PER3: variants seen among roughly 807,000 people sequenced by gnomAD.
PER3 encodes period circadian protein homolog 3.
In PER3, 107 loss-of-function variants were observed where a neutral mutation model predicts 127.2. That is an observed-to-expected ratio of 0.84 (90% confidence interval 0.72 to 0.99). The LOEUF (loss-of-function observed/expected upper bound fraction) is 0.99, where lower values mean the gene tolerates loss of function less well. PER3 is among the 50% of genes least tolerant of loss of function. PER3 has a pLI of 0.00. For synonymous variants in PER3, 618 were observed against 585.8 expected (o/e 1.05, Z -0.79); for missense variants, 1,560 against 1,525.8 (o/e 1.02, Z -0.37).
chr1:7,825,434 G>A (rs907573657), intron 16 of PER3, among the ~76,000 whole-genome samples: 5 of 152,138 alleles, frequency 3.3e-5, no homozygotes, highest in South Asian at 2.1e-4. Flanking sequence ...ATGGAACTCC[G>A]CAGCAGTGTA....
chr1:7,806,812 A>ATAT (rs1553309916), intron 10 of PER3, among the ~76,000 whole-genome samples: 6,370 of 60,200 alleles, frequency 0.11, 402 homozygotes, highest in Non-Finnish European at 0.12. Context: ...AAAAAAAAAA[A>ATAT]ATATATATAT....
chr1:7,825,133 C>T (rs1340147891), intron 16 of PER3, among the ~76,000 whole-genome samples: 1 of 151,858 alleles, frequency 6.6e-6, no homozygotes, highest in African/African-American at 2.4e-5. Context: ...CATTTAGTCA[C>T]AGGCCACTTC....
chr1:7,794,144 G>A, intron 6 of PER3, 136 bp downstream of exon 6: 1 of 747,992 alleles, frequency 1.3e-6, no homozygotes, highest in South Asian at 1.5e-5. Flanking sequence ...TTGCCACAAG[G>A]AGTTCGTATT....
At chr1:7,808,455 G>A (rs978487567) in intron 10 of PER3, among the ~76,000 whole-genome samples, 3 of 152,166 alleles carry the variant, frequency 2.0e-5, no homozygotes, top group African/African-American at 4.8e-5. Context: ...GTGGGTTGCA[G>A]AACTGTCTTA....
At chr1:7,819,779 AT>A (rs1277667138) in intron 14 of PER3, among the ~76,000 whole-genome samples, 9 of 140,832 alleles carry the variant, frequency 6.4e-5, no homozygotes, top group South Asian at 4.8e-4. Context: ...ACGTTATGAG[AT>A]TTTTTTGTGT....
In PER3 at chr1:7,788,259, A is replaced by T. The variant is rs138687753; in HGVS notation, c.592+13A>T. 1.3e-6 allele frequency: 2 copies of T among 1,548,872 alleles called. No individual in the cohort carries two copies. Among genetic ancestry groups the T allele is most frequent in the African/African-American group, 2.7e-5 (2 of 73,818 alleles). ...TGGACCCAAAGAGGTAACAGGACCA[A>T]TGTTCAGATGTCTATCTTTCCTCAT... On this transcript the variant is annotated intron_variant, in intron 5 of 21. Coordinates refer to ENST00000377532, the MANE Select transcript of PER3 (RefSeq NM_001377275.1).
intron 10 of PER3, among the ~76,000 whole-genome samples, chr1:7,805,594 T>C (rs538429370): frequency 6.6e-6 from 1 of 152,294 alleles, no homozygotes; most frequent in East Asian, 1.9e-4. Context: ...GTAATTACCA[T>C]TGGTATTGCT....
chr1:7,793,935 G>A (rs1432313410), intron 5 of PER3, 22 bp from the exon 6 acceptor site: 1 of 1,607,318 alleles, frequency 6.2e-7, no homozygotes, highest in Admixed American at 1.7e-5. Flanking sequence ...GGGAGTGACT[G>A]ACCAGGCATC....
intron 19 of PER3, among the ~76,000 whole-genome samples, chr1:7,835,034 G>T (rs1359475083): frequency 2.6e-5 from 4 of 152,048 alleles, no homozygotes; most frequent in Non-Finnish European, 4.4e-5. Flanking sequence ...TGTATGTTTG[G>T]TATCATAAAG....
At chr1:7,804,652 A>G (rs2097185319) in intron 10 of PER3, among the ~76,000 whole-genome samples, 1 of 151,780 alleles carries the variant, frequency 6.6e-6, no homozygotes, top group African/African-American at 2.4e-5. Context: ...CTCCTGCCTC[A>G]GCCTCCCAGA....
intron 15 of PER3, 81 bp from the exon 16 acceptor site, chr1:7,820,386 A>G (rs2097270613): frequency 2.1e-6 from 3 of 1,457,932 alleles, no homozygotes; most frequent in Non-Finnish European, 2.8e-6. Flanking sequence ...CTCAGTTACA[A>G]ACTTCTGTAA....
chr1:7,785,212 T>G (rs908143458), intron 2 of PER3, among the ~76,000 whole-genome samples: 1 of 152,110 alleles, frequency 6.6e-6, no homozygotes, highest in Non-Finnish European at 1.5e-5. Context: ...GTTACAAAAG[T>G]TAGCTGAGTT....
Position 7,844,521 on chromosome 1 carries a change from C to G in PER3, c.*1766C>G, listed in dbSNP as rs925935153. ...AAATAAAAACAGTATCCGTAGCTAT[C>G]AGGATCATTGCGCACTCATATATGC... is the stretch of plus-strand genomic sequence containing the variant. On this transcript the variant is annotated 3_prime_UTR_variant, in exon 22 of 22. Coordinates refer to ENST00000377532, the MANE Select transcript of PER3 (RefSeq NM_001377275.1). 6.5e-6 allele frequency: 1 copy of G among 152,802 alleles called. No homozygotes were observed. The highest frequency in any genetic ancestry group is 2.4e-5 in the African/African-American group (1 of 41,466). The allele number at this position is 152,802 out of a possible 1,614,324, so 9.5% of individuals were successfully genotyped here.
intron 21 of PER3, 149 bp downstream of exon 21, chr1:7,837,298 A>G: frequency 1.7e-6 from 1 of 592,002 alleles, no homozygotes; most frequent in East Asian, 2.8e-5. Context: ...CTCTTTACCA[A>G]TAAGCAACAA....
intron 13 of PER3, among the ~76,000 whole-genome samples, chr1:7,813,877 C>T (rs560102161): frequency 6.6e-6 from 1 of 152,220 alleles, no homozygotes; most frequent in South Asian, 2.1e-4. Flanking sequence ...AGAGAGGACA[C>T]AGAAGTTGGA....
rs769281176 is a variant in PER3, at chr1:7,834,211, C to T, written c.3215-1551C>T. Among the ~76,000 whole-genome samples, 8 of 152,184 alleles carry T rather than the reference C, an allele frequency of 5.3e-5. 1 individual carries two copies. The South Asian group carries it at 6.2e-4, about 12-fold the overall frequency. On this transcript the variant is annotated intron_variant, in intron 19 of 21. Transcript: ENST00000377532. ...CTGGCATTACAGGTGTGAGCCACCA[C>T]GCCCAGCCTGCTCTAGGTTGTACAA...
At chr1:7,835,967 C>A (rs996202588) in intron 20 of PER3, 22 bp downstream of exon 20, 1 of 1,482,150 alleles carries the variant, frequency 6.7e-7, no homozygotes, top group Non-Finnish European at 9.2e-7. Context: ...CTTTAGAAAA[C>A]CCACTTTTTA....
chr1:7,833,757 G>C (rs1463975329), intron 19 of PER3, among the ~76,000 whole-genome samples: 2 of 152,030 alleles, frequency 1.3e-5, no homozygotes, highest in African/African-American at 4.8e-5. Context: ...GATATGGTTA[G>C]GTTTAAGTTA....
intron 6 of PER3, 129 bp downstream of exon 6, chr1:7,794,137 C>A: frequency 1.3e-6 from 1 of 771,422 alleles, no homozygotes; most frequent in Non-Finnish European, 2.3e-6. Flanking sequence ...TTGGTTATTG[C>A]CACAAGGAGT....
Sources: gnomAD v4.1 joint callset for allele counts (sites outside exome capture counted in the v4.1 genomes callset) on GRCh38, gnomAD v4.1.1 for gene constraint, MANE v1.5 for transcripts, NCBI Gene and HGNC (gene_info 2026-07-23, HGNC 2026-07-21) for gene names.